The following C21orf91 variants were observed in gnomAD, a reference collection of about 807,000 sequenced individuals.
C21orf91 encodes the protein chromosome 21 open reading frame 91, also known as protein EURL homolog.
A neutral mutation model predicts 32.9 loss-of-function variants in C21orf91; 26 were observed. The ratio of observed to expected loss-of-function variants is 0.79; its 90% confidence interval spans 0.58 to 1.10. The LOEUF (loss-of-function observed/expected upper bound fraction) is 1.10. C21orf91 is among the 50% of genes least tolerant of loss of function. The pLI is 0.00. For synonymous variants in C21orf91, 126 were observed against 120.4 expected (o/e 1.05, Z -0.31); for missense variants, 310 against 341.3 (o/e 0.91, Z 0.72).
chr21:17,815,853 T>A (rs2062662165), intron 2 of C21orf91, among the ~76,000 whole-genome samples: 1 of 152,022 alleles, frequency 6.6e-6, no homozygotes, highest in African/African-American at 2.4e-5. Flanking sequence ...AGAGACGGGG[T>A]TTCTCCATGT....
chr21:17,815,299 C>G lies in C21orf91; in HGVS notation c.127+2893G>C, dbSNP rs992160612. On this transcript the variant is annotated intron_variant, in intron 2 of 4. Coordinates refer to ENST00000284881, the MANE Select transcript of C21orf91 (RefSeq NM_001100420.2). Reference sequence around the variant, plus strand: ...AAGAGAATTTATTTTTACTCAGCCTCTTCTCGGAGAAGAGTGCTTTAGACC... The same window carrying G: ...AAGAGAATTTATTTTTACTCAGCCTGTTCTCGGAGAAGAGTGCTTTAGACC... Among the ~76,000 whole-genome samples, 108 of 152,116 alleles carry G rather than the reference C, an allele frequency of 7.1e-4. 9 individuals carry two copies. The highest frequency in any genetic ancestry group is 2.9e-5 in the Non-Finnish European group (2 of 68,024).
intron 2 of C21orf91, among the ~76,000 whole-genome samples, chr21:17,806,186 T>C (rs572983331): frequency 5.3e-5 from 8 of 152,326 alleles, no homozygotes; most frequent in African/African-American, 1.9e-4. Flanking sequence ...AAGTGATCTA[T>C]GTTCTTACAA....
intron 2 of C21orf91, among the ~76,000 whole-genome samples, chr21:17,807,023 A>T (rs2062600550): frequency 6.6e-6 from 1 of 152,268 alleles, no homozygotes; most frequent in South Asian, 2.1e-4. Flanking sequence ...TTAATAAATA[A>T]CCTGGTAATC....
At chr21:17,807,134 T>C (rs991957476) in intron 2 of C21orf91, among the ~76,000 whole-genome samples, 3 of 152,214 alleles carry the variant, frequency 2.0e-5, no homozygotes, top group African/African-American at 7.2e-5. Flanking sequence ...TGATATGGTT[T>C]CGATTTGTGT....
intron 4 of C21orf91, among the ~76,000 whole-genome samples, chr21:17,793,931 A>G (rs898354788): frequency 6.6e-6 from 1 of 152,234 alleles, no homozygotes; most frequent in African/African-American, 2.4e-5. Flanking sequence ...AGTGCCTGTT[A>G]GTATTCAGGT....
At chr21:17,813,290 C>G (rs1294742667) in intron 2 of C21orf91, among the ~76,000 whole-genome samples, 1 of 152,190 alleles carries the variant, frequency 6.6e-6, no homozygotes, top group Non-Finnish European at 1.5e-5. Context: ...ACAACCAGTT[C>G]TAACTTCCAA....
In C21orf91 at chr21:17,818,239, TTGTC is replaced by T. The variant is rs757480817; in HGVS notation, c.76_79del (p.Asp26LysfsTer13). On this transcript the variant is annotated frameshift_variant, in exon 2 of 5. Transcript: ENST00000284881. LOFTEE classifies it high-confidence loss of function. ...AATGTGGCAGAAGGAGAGTGTTTCT[TTGTC>T]TGTTCCCAGTTTACAAACACTGCAA... 9 of 1,610,468 alleles carry T rather than the reference TTGTC, an allele frequency of 5.6e-6. No individual in the cohort carries two copies. Among genetic ancestry groups the T allele is most frequent in the African/African-American group, 1.3e-5 (1 of 74,990 alleles).
intron 2 of C21orf91, among the ~76,000 whole-genome samples, chr21:17,804,778 C>T (rs1222951310): frequency 6.6e-6 from 1 of 152,166 alleles, no homozygotes; most frequent in Admixed American, 6.5e-5. Context: ...TTTCAATGAG[C>T]TAAGAGTTCA....
intron 2 of C21orf91, among the ~76,000 whole-genome samples, chr21:17,807,279 T>C (rs1219951271): frequency 6.6e-6 from 1 of 152,154 alleles, no homozygotes; most frequent in African/African-American, 2.4e-5. Flanking sequence ...TCTGGTTGTT[T>C]AAAAGTGTGT....
chr21:17,819,321 A>T lies in C21orf91; in HGVS notation c.-26T>A, dbSNP rs947283559. 1 of 152,302 alleles carries T rather than the reference A, an allele frequency of 6.6e-6. No homozygotes were observed. The highest frequency in any genetic ancestry group is 2.4e-5 in the African/African-American group (1 of 41,398). 9.4% of individuals were successfully genotyped at this position (152,302 alleles called of 1,614,324 possible). A position where few individuals can be genotyped will look rare whatever the true frequency, so the allele number is the denominator to read the frequency against. On this transcript the variant is annotated 5_prime_UTR_variant, in exon 1 of 5. Transcript: ENST00000284881. ...TCTTTACCGTCCGGCTCCGCGGGCC[A>T]CCACCGCCGTTCCGTGCGGCTCGGG...
At chr21:17,815,500 T>C (rs2062659484) in intron 2 of C21orf91, among the ~76,000 whole-genome samples, 1 of 152,184 alleles carries the variant, frequency 6.6e-6, no homozygotes, top group African/African-American at 2.4e-5. Flanking sequence ...TTCAAAAATA[T>C]TTTAAAAGAT....
chr21:17,810,327 ATT>A (rs890586226), intron 2 of C21orf91, among the ~76,000 whole-genome samples: 21 of 152,182 alleles, frequency 1.4e-4, no homozygotes, highest in Admixed American at 6.5e-4. Context: ...ACATGGAAAA[ATT>A]TTTCTTAAGT....
At position 17,794,267 on chromosome 21, in the gene C21orf91, T is replaced by C. The variant is rs143408620; in HGVS notation, c.728-686A>G. On this transcript the variant is annotated intron_variant, in intron 4 of 4. Transcript: ENST00000284881. Reference sequence around the variant, plus strand: ...TGTAAGCAACTTAACATCTCTGAAGTACAATTTTCTCATCTAAAAGGAAAT... The same window carrying C: ...TGTAAGCAACTTAACATCTCTGAAGCACAATTTTCTCATCTAAAAGGAAAT... Among the ~76,000 whole-genome samples, 597 of 152,328 alleles carry C rather than the reference T, an allele frequency of 3.9e-3. 2 individuals carry two copies. Among genetic ancestry groups the C allele is most frequent in the African/African-American group, 0.014 (578 of 41,570 alleles).
rs1235761683 is a variant in C21orf91 at position 17,789,715 on chromosome 21, T to G, written c.*3700A>C. The G allele has an allele frequency of 2.0e-5, 3 of 152,064 alleles. No homozygotes were observed. Among genetic ancestry groups the G allele is most frequent in the Non-Finnish European group, 4.4e-5 (3 of 67,956 alleles). 9.4% of individuals were successfully genotyped at this position (152,064 alleles called of 1,614,324 possible). The stretch of plus-strand genomic sequence containing the variant: ...TCAAGGCAATTATGAAAGGATGAAG[T>G]GAAATGAAAATACTGAGATGCAAGC... On this transcript the variant is annotated 3_prime_UTR_variant, in exon 5 of 5. Coordinates refer to ENST00000284881, the MANE Select transcript of C21orf91 (RefSeq NM_001100420.2).
chr21:17,814,012 A>AAAGGTTTTTTT (rs1305745405), intron 2 of C21orf91: 11 of 152,250 alleles, frequency 7.2e-5, no homozygotes, highest in Non-Finnish European at 1.3e-4. Flanking sequence ...CTTAAAAAAA[A>AAAGGTTTTTTT]AAGGTTTTTT....
intron 2 of C21orf91, among the ~76,000 whole-genome samples, chr21:17,808,230 G>A (rs1432052384): frequency 2.0e-5 from 3 of 152,244 alleles, no homozygotes; most frequent in Non-Finnish European, 4.4e-5. Context: ...CCCAGGATAT[G>A]TCTCAGGCCT....
chr21:17,796,963 T>G lies in C21orf91; in HGVS notation c.283A>C (p.Asn95His). 6.2e-7 allele frequency: 1 copy of G among 1,613,786 alleles called. No homozygotes were observed. The highest frequency in any genetic ancestry group is 8.5e-7 in the Non-Finnish European group (1 of 1,179,786). Residue 95 changes from asparagine to histidine, a missense_variant, in exon 3 of 5, where the codon AAC (asparagine) becomes CAC (histidine). Coordinates refer to ENST00000284881, the MANE Select transcript of C21orf91 (RefSeq NM_001100420.2). ...EVKTILSKKI[N>H]WIVQYAQNKD... ...TTTTGTGCATACTGCACAATCCAGTTTATCTTCTTACTCAAAATGGTTTTA... is the reference window on the plus strand; with the variant it reads ...TTTTGTGCATACTGCACAATCCAGTGTATCTTCTTACTCAAAATGGTTTTA...
Position 17,796,792 on chromosome 21 carries a change from C to T in C21orf91, c.454G>A (p.Gly152Ser). ...CTTTGTGTACAGTTAGAGATGCCAC[C>T]TGCACTTCCATCTATCCATTTTGCA... Reference protein sequence around the residue: ...YSAKWIDGSAGGISNCTQRIL... With the variant: ...YSAKWIDGSASGISNCTQRIL... The change falls in exon 3 of 5, where the codon GGT (glycine) becomes AGT (serine). Residue 152 changes from glycine (G) to serine (S), a missense_variant. Transcript: ENST00000284881. 1 of 1,613,358 alleles carries T rather than the reference C, an allele frequency of 6.2e-7. No homozygotes were observed. Among genetic ancestry groups the T allele is most frequent in the Non-Finnish European group, 8.5e-7 (1 of 1,179,298 alleles).
Position 17,789,252 on chromosome 21 carries a change from T to C in C21orf91, c.*4163A>G, listed in dbSNP as rs2062452242. 1 of 65,222 alleles carries C rather than the reference T, an allele frequency of 1.5e-5. No individual in the cohort carries two copies. Among genetic ancestry groups the C allele is most frequent in the Admixed American group, 1.7e-4 (1 of 6,006 alleles). 4.0% of individuals were successfully genotyped at this position (65,222 alleles called of 1,614,324 possible). ...TATACGCTACTGTTTTAAAGCAAGG[T>C]TCACACACACACACACACACACACA... On this transcript the variant is annotated 3_prime_UTR_variant, in exon 5 of 5. Coordinates refer to ENST00000284881, the MANE Select transcript of C21orf91 (RefSeq NM_001100420.2).
Sources: allele counts gnomAD v4.1 joint callset (sites outside exome capture counted in the v4.1 genomes callset), GRCh38; gene constraint gnomAD v4.1.1; transcripts MANE v1.5; gene names NCBI Gene and HGNC (gene_info 2026-07-23, HGNC 2026-07-21).